AATK: variants seen among roughly 807,000 people sequenced by gnomAD.
The protein encoded by AATK is lemur tail kinase 1.
A neutral mutation model predicts 114.3 loss-of-function variants in AATK; 91 were observed. The observed-to-expected ratio is 0.80, with a 90% CI of 0.67 to 0.95. AATK has a LOEUF of 0.95. AATK is among the 40% of genes least tolerant of loss of function. The probability of loss-of-function intolerance (pLI) is 0.00; values close to 1 mark genes in which losing one functional copy is unlikely to be tolerated. For synonymous variants in AATK, 1,075 were observed against 916.5 expected (o/e 1.17, Z -3.12); for missense variants, 2,176 against 1,965.2 (o/e 1.11, Z -2.03).
At chr17:81,129,326 G>C (rs977010810) in intron 3 of AATK, among the ~76,000 whole-genome samples, 1 of 152,136 alleles carries the variant, frequency 6.6e-6, no homozygotes, top group Non-Finnish European at 1.5e-5. Flanking sequence ...TGTGTCCTGA[G>C]CCCAGCCTGT....
Position 81,118,071 on chromosome 17 carries a change from G to C in AATK, c.*331C>G, listed in dbSNP as rs2060589719. ...CCTCCGAGGCCAGGCAGGCAGGGCAGAGGGTGGGGGCCGCCGTGCCCAGGG... is the reference window on the plus strand; with the variant it reads ...CCTCCGAGGCCAGGCAGGCAGGGCACAGGGTGGGGGCCGCCGTGCCCAGGG... On this transcript the variant is annotated 3_prime_UTR_variant, in exon 14 of 14. Coordinates refer to ENST00000326724, the MANE Select transcript of AATK (RefSeq NM_001080395.3). 2 of 285,164 alleles carry C rather than the reference G, an allele frequency of 7.0e-6. No individual in the cohort carries two copies. The highest frequency in any genetic ancestry group is 1.3e-5 in the Non-Finnish European group (2 of 150,982). The allele number at this position is 285,164 out of a possible 1,614,324, so 17.7% of individuals were successfully genotyped here.
At chr17:81,138,038 C>T (rs2061044180) in intron 1 of AATK, among the ~76,000 whole-genome samples, 1 of 146,498 alleles carries the variant, frequency 6.8e-6, no homozygotes, top group African/African-American at 2.5e-5. Flanking sequence ...AAACCCACAC[C>T]CACGTGCACA....
At chr17:81,156,117 ACTATG>A (rs2061359830) in intron 1 of AATK, among the ~76,000 whole-genome samples, 4 of 103,340 alleles carry the variant, frequency 3.9e-5, no homozygotes, top group African/African-American at 6.4e-5. Context: ...AATGTATGTT[ACTATG>A]TTACAATGTA....
At chr17:81,128,672 C>A in intron 3 of AATK, 123 bp from the exon 4 acceptor site, 2 of 1,493,214 alleles carry the variant, frequency 1.3e-6, no homozygotes, top group Non-Finnish European at 1.8e-6. Context: ...GTCCCTAGCA[C>A]CAGCTGGCAA....
Position 81,122,901 on chromosome 17 carries a change from C to T in AATK, c.1113-78G>A, listed in dbSNP as rs568017488. ...CGTCCCTGGAGCAGGGATGGGGGTT[C>T]CCCTAACTCCCAGTGTCTTGGGGGC... On this transcript the variant is annotated intron_variant, in intron 10 of 13. Coordinates refer to ENST00000326724, the MANE Select transcript of AATK (RefSeq NM_001080395.3). 277 of 1,272,904 alleles carry T rather than the reference C, an allele frequency of 2.2e-4. 1 individual carries two copies. The African/African-American group carries it at 3.9e-3, about 18-fold the overall frequency. 78.9% of individuals were successfully genotyped at this position (1,272,904 alleles called of 1,614,324 possible). A position where few individuals can be genotyped will look rare whatever the true frequency, so the allele number is the denominator to read the frequency against.
At chr17:81,118,964 G>A (rs956473893) in intron 13 of AATK, among the ~76,000 whole-genome samples, 2 of 152,178 alleles carry the variant, frequency 1.3e-5, no homozygotes, top group Admixed American at 6.5e-5. Flanking sequence ...GGCCATGGCC[G>A]GGAGCGGTGG....
chr17:81,165,546 GC>G, intron 1 of AATK: 3 of 981,464 alleles, frequency 3.1e-6, no homozygotes, highest in Non-Finnish European at 4.3e-6. Flanking sequence ...CCACGCCAGG[GC>G]CCCGGACCCA....
intron 1 of AATK, among the ~76,000 whole-genome samples, chr17:81,158,139 C>T (rs2725415): frequency 0.29 from 44,316 of 152,220 alleles, 7,640 homozygotes; most frequent in East Asian, 0.4. Context: ...CTTGCAGGGC[C>T]GCCCGTCACA....
Position 81,123,231 on chromosome 17 carries a change from G to T in AATK, c.1075C>A (p.Pro359Thr). Reference sequence around the variant, plus strand: ...AGGGTCAGCTGCAGCTGGGGCTTGGGCAGCTTGAGCTGCTGCTCCCGGACC... The same window carrying T: ...AGGGTCAGCTGCAGCTGGGGCTTGGTCAGCTTGAGCTGCTGCTCCCGGACC... Reference protein sequence around the residue: ...YTVREQQLKLPKPQLQLTLSD... With the variant: ...YTVREQQLKLTKPQLQLTLSD... Residue 359 changes from proline (P) to threonine (T), a missense_variant, in exon 10 of 14, where the codon CCC (proline) becomes ACC (threonine). By Grantham distance (38) the Pro-to-Thr change is conservative. This residue lies in a region of AATK where 273 missense variants were observed against 344.1 expected (regional missense o/e 0.79). Transcript: ENST00000326724. 7.0e-7 allele frequency: 1 copy of T among 1,422,364 alleles called. No homozygotes were observed. The allele number at this position is 1,422,364 out of a possible 1,614,324, so 88.1% of individuals were successfully genotyped here. A position where few individuals can be genotyped will look rare whatever the true frequency, so the allele number is the denominator to read the frequency against.
At chr17:81,125,203 C>T in intron 7 of AATK, 189 bp from the exon 8 acceptor site, 1 of 663,746 alleles carries the variant, frequency 1.5e-6, no homozygotes, top group Non-Finnish European at 2.8e-6. Flanking sequence ...CCATCCCTGC[C>T]CAGGGCCCTA....
At chr17:81,139,868 C>T in intron 1 of AATK, among the ~76,000 whole-genome samples, 1 of 152,192 alleles carries the variant, frequency 6.6e-6, no homozygotes, top group South Asian at 2.1e-4. Flanking sequence ...CAGGCTGTGG[C>T]TTCTTAGGCC....
intron 3 of AATK, 67 bp from the exon 4 acceptor site, chr17:81,128,616 C>T (rs2060884319): frequency 6.5e-7 from 1 of 1,542,208 alleles, no homozygotes; most frequent in African/African-American, 1.4e-5. Flanking sequence ...CTCACCCGGC[C>T]CCTGGAGGGG....
intron 1 of AATK, among the ~76,000 whole-genome samples, chr17:81,159,395 G>T (rs1219970234): frequency 6.6e-6 from 1 of 152,178 alleles, no homozygotes; most frequent in Non-Finnish European, 1.5e-5. Context: ...ACTCTCGGGG[G>T]CTGGGCGTGC....
At chr17:81,144,335 C>G (rs2146369984) in intron 1 of AATK, among the ~76,000 whole-genome samples, 1 of 152,360 alleles carries the variant, frequency 6.6e-6, no homozygotes, top group South Asian at 2.1e-4. Flanking sequence ...TTGTCCCAGC[C>G]CCACACTGCC....
chr17:81,140,653 GGGGACCGTGGGGCCGTGGGGACCAT>G (rs2061109135), intron 1 of AATK, among the ~76,000 whole-genome samples: 2 of 98,328 alleles, frequency 2.0e-5, no homozygotes, highest in Non-Finnish European at 4.6e-5. Flanking sequence ...CGTGGGGCCG[GGGGACCGTGGGGCCGTGGGGACCAT>G]GGGGCCGTGG....
intron 1 of AATK, among the ~76,000 whole-genome samples, chr17:81,138,546 G>GCACACATACCCCCACACGCACATACC (rs1567817977): frequency 8.2e-4 from 103 of 125,364 alleles, no homozygotes; most frequent in African/African-American, 3.5e-3. Context: ...ACGTTCGCGT[G>GCACACATACCCCCACACGCACATACC]CACACACGTG....
chr17:81,151,979 A>G lies in AATK; in HGVS notation c.55+13959T>C, dbSNP rs183036382. The stretch of plus-strand genomic sequence containing the variant: ...CAGGCAGTGCCACGCTTGCCTTCAA[A>G]AAAACAGCCTTTGGGGCGGGCACAG... On this transcript the variant is annotated intron_variant, in intron 1 of 13. Coordinates refer to ENST00000326724, the MANE Select transcript of AATK (RefSeq NM_001080395.3). 5.3e-5 allele frequency among the ~76,000 whole-genome samples: 8 copies of G among 152,322 alleles called. No homozygotes were observed. The East Asian group carries it at 1.2e-3, about 22-fold the overall frequency.
chr17:81,143,966 T>C (rs2061178721), intron 1 of AATK, among the ~76,000 whole-genome samples: 1 of 152,196 alleles, frequency 6.6e-6, no homozygotes, highest in African/African-American at 2.4e-5. Context: ...GTGAGCACGG[T>C]GCCCAGGGTT....
Position 81,131,241 on chromosome 17 carries a change from C to T in AATK, c.190-36G>A. 4 of 1,543,218 alleles carry T rather than the reference C, an allele frequency of 2.6e-6. No individual in the cohort carries two copies. In the South Asian group the frequency reaches 3.6e-5, roughly 14 times the overall value. ...GGCCGGGCATGAGCGGGGCTTCTCG[C>T]AGGTCAAGGAAGGGTGTGGCTGGGC... On this transcript the variant is annotated intron_variant, in intron 2 of 13. Coordinates refer to ENST00000326724, the MANE Select transcript of AATK (RefSeq NM_001080395.3).
Sources: allele counts gnomAD v4.1 joint callset (sites outside exome capture counted in the v4.1 genomes callset), GRCh38; gene constraint gnomAD v4.1.1; regional missense constraint gnomAD v4.1.1; transcripts MANE v1.5; gene names NCBI Gene and HGNC (gene_info 2026-07-23, HGNC 2026-07-21).